The following ZNF423 variants were observed in gnomAD, a reference collection of about 807,000 sequenced individuals.
The protein encoded by ZNF423 is Ebf-associated zinc finger protein.
Under a neutral mutation model 95.8 loss-of-function variants are expected in ZNF423, and 12 were observed. That is an observed-to-expected ratio of 0.13 (90% confidence interval 0.08 to 0.20). ZNF423 has a LOEUF of 0.20. Among genes scored for constraint, ZNF423 ranks in the 10% least tolerant of loss-of-function variants. ZNF423 has a pLI of 1.00. For synonymous variants in ZNF423, 749 were observed against 711.9 expected (o/e 1.05, Z -0.83); for missense variants, 1,316 against 1,737.1 (o/e 0.76, Z 4.31).
intron 3 of ZNF423, among the ~76,000 whole-genome samples, chr16:49,700,194 T>C (rs2032122560): frequency 8.5e-5 from 2 of 23,396 alleles, no homozygotes; most frequent in South Asian, 1.9e-3. Flanking sequence ...GCCCAGGATT[T>C]CAAAAAAAAA....
chr16:49,634,361 A>G (rs541655030), intron 4 of ZNF423, among the ~76,000 whole-genome samples: 1 of 152,196 alleles, frequency 6.6e-6, no homozygotes, highest in East Asian at 1.9e-4. Context: ...CGCTATTTTC[A>G]TTCAAGTTGT....
intron 2 of ZNF423, among the ~76,000 whole-genome samples, chr16:49,785,440 T>C (rs1461386438): frequency 6.6e-6 from 1 of 152,274 alleles, no homozygotes; most frequent in Admixed American, 6.5e-5. Context: ...TGGTCACACA[T>C]ATCTCTAAAT....
At chr16:49,605,398 C>A (rs904371122) in intron 5 of ZNF423, among the ~76,000 whole-genome samples, 1 of 152,226 alleles carries the variant, frequency 6.6e-6, no homozygotes, top group South Asian at 2.1e-4. Context: ...CCTCTCAAAG[C>A]CTCAGCTTCC....
At chr16:49,668,379 G>C (rs964790479) in intron 3 of ZNF423, among the ~76,000 whole-genome samples, 2 of 152,152 alleles carry the variant, frequency 1.3e-5, no homozygotes, top group African/African-American at 4.8e-5. Flanking sequence ...TCCCAGGATG[G>C]GACTCCTACC....
At position 49,730,809 on chromosome 16, in the gene ZNF423, G is replaced by A. The variant is rs766705878; in HGVS notation, c.263C>T (p.Ala88Val). ...DHCQQDFESL[A>V]DLTDHRAHRC... is the part of the protein sequence containing the mutation. ...GTGGGCCCGGTGGTCCGTCAGGTCTGCCAGAGACTCGAAGTCCTGCTGACA... is the reference window on the plus strand; with the variant it reads ...GTGGGCCCGGTGGTCCGTCAGGTCTACCAGAGACTCGAAGTCCTGCTGACA... The change falls in exon 3 of 8, where the codon GCA (alanine) becomes GTA (valine). Residue 88 changes from alanine to valine, a missense_variant. By Grantham distance (64) the Ala-to-Val change is moderately conservative. This residue lies in a region of ZNF423 where 155 missense variants were observed against 170.8 expected (regional missense o/e 0.91). Coordinates refer to ENST00000563137, the MANE Select transcript of ZNF423 (RefSeq NM_001379286.1). 1.2e-6 allele frequency: 2 copies of A among 1,614,064 alleles called. No homozygotes were observed. The highest frequency in any genetic ancestry group is 2.7e-5 in the African/African-American group (2 of 74,920).
intron 1 of ZNF423, chr16:49,854,075 G>T (rs959895050): frequency 3.0e-5 from 30 of 985,212 alleles, no homozygotes; most frequent in African/African-American, 3.5e-5. Context: ...CAGCAAAAGA[G>T]AAACATCCAC....
intron 1 of ZNF423, among the ~76,000 whole-genome samples, chr16:49,846,703 T>C (rs750489118): frequency 1.4e-4 from 22 of 152,238 alleles, no homozygotes; most frequent in Admixed American, 1.0e-3. Context: ...CACCTGCTTC[T>C]CCTCCCTCTC....
At chr16:49,746,549 C>T (rs1415210888) in intron 2 of ZNF423, among the ~76,000 whole-genome samples, 1 of 152,146 alleles carries the variant, frequency 6.6e-6, no homozygotes, top group African/African-American at 2.4e-5. Context: ...ACAATCTCGG[C>T]TCACTGCAAC....
intron 3 of ZNF423, among the ~76,000 whole-genome samples, chr16:49,681,600 A>G (rs1156594662): frequency 1.3e-5 from 2 of 152,152 alleles, no homozygotes; most frequent in African/African-American, 2.4e-5. Flanking sequence ...TTTCACCACG[A>G]TATCAGGGAC....
Position 49,636,955 on chromosome 16 carries a change from C to A in ZNF423, c.2221G>T (p.Val741Leu). The change falls in exon 4 of 8, where the codon GTG becomes TTG. Residue 741 changes from valine to leucine, a missense_variant. Around this residue, in one of 6 missense-constraint regions of ZNF423, gnomAD observed 620 missense variants for 775.6 expected, o/e 0.80. Coordinates refer to ENST00000563137, the MANE Select transcript of ZNF423 (RefSeq NM_001379286.1). The surrounding 1 kb of genome is among the most constrained non-coding windows in gnomAD (Gnocchi z 8.6). ...ACCGCCAGGTGCACCTGGATGGACA[C>A]CTTGGAGTCGAAGACCTCCTGACAC... ...TLCQEVFDSKVSIQVHLAVKH... is the reference protein window; with the variant it reads ...TLCQEVFDSKLSIQVHLAVKH... 6.2e-7 allele frequency: 1 copy of A among 1,613,750 alleles called. No homozygotes were observed. The highest frequency in any genetic ancestry group is 8.5e-7 in the Non-Finnish European group (1 of 1,179,938).
rs2035353413 is a variant in ZNF423 at position 49,855,507 on chromosome 16, C to CG, written c.40+227_40+228insC. On this transcript the variant is annotated intron_variant, in intron 1 of 7. Coordinates refer to ENST00000563137, the MANE Select transcript of ZNF423 (RefSeq NM_001379286.1). This position sits in a 1 kb window ranked among gnomAD's most constrained non-coding sequence, Gnocchi z 4.7. ...GGCAGGGAGGGTGTCCGCGGCGTAC[C>CG]CCCTCCGCCGCCGCCGCCGCCGCCG... 8.3e-6 allele frequency among the ~76,000 whole-genome samples: 1 copy of CG among 120,802 alleles called. No individual in the cohort carries two copies. Among genetic ancestry groups the CG allele is most frequent in the African/African-American group, 3.4e-5 (1 of 29,736 alleles). 79.3% of individuals were successfully genotyped at this position (120,802 alleles called of 152,430 possible). A position where few individuals can be genotyped will look rare whatever the true frequency, so the allele number is the denominator to read the frequency against.
intron 3 of ZNF423, among the ~76,000 whole-genome samples, chr16:49,724,404 A>G (rs888840452): frequency 4.8e-5 from 7 of 144,596 alleles, no homozygotes; most frequent in African/African-American, 1.9e-4. Flanking sequence ...AACTGACACC[A>G]AGGCCCCGAG....
chr16:49,773,211 C>T (rs112109660), intron 2 of ZNF423, among the ~76,000 whole-genome samples: 4,322 of 152,102 alleles, frequency 0.028, 198 homozygotes, highest in African/African-American at 0.099. Flanking sequence ...CCCAGCTACT[C>T]GGGAGTCTGA....
At chr16:49,741,174 C>G (rs1208389353) in intron 2 of ZNF423, among the ~76,000 whole-genome samples, 1 of 149,870 alleles carries the variant, frequency 6.7e-6, no homozygotes, top group Non-Finnish European at 1.5e-5. Context: ...TCTAGATGGT[C>G]AGCACTGCAA....
At chr16:49,656,544 T>C (rs1236426143) in intron 3 of ZNF423, among the ~76,000 whole-genome samples, 3 of 151,356 alleles carry the variant, frequency 2.0e-5, no homozygotes, top group African/African-American at 4.9e-5. Flanking sequence ...AGTGGGTAAA[T>C]GGATGACCAA....
At chr16:49,791,624 C>T (rs1704075377) in intron 1 of ZNF423, among the ~76,000 whole-genome samples, 1 of 152,074 alleles carries the variant, frequency 6.6e-6, no homozygotes. Context: ...GGTATATGAG[C>T]TGATAAAGAG....
At chr16:49,740,391 G>A (rs1285053208) in intron 2 of ZNF423, among the ~76,000 whole-genome samples, 2 of 152,120 alleles carry the variant, frequency 1.3e-5, no homozygotes, top group Non-Finnish European at 2.9e-5. Flanking sequence ...CCAGGGCTGG[G>A]CAAAGAGCCC....
chr16:49,848,187 G>C (rs976897150), intron 1 of ZNF423, among the ~76,000 whole-genome samples: 2 of 152,108 alleles, frequency 1.3e-5, no homozygotes, highest in Non-Finnish European at 2.9e-5. Flanking sequence ...CAGGAGTTGG[G>C]GGATGAAGAG....
In ZNF423 at chr16:49,488,355, T is replaced by C. The variant is rs1966874669; in HGVS notation, c.*2920A>G. 6.9e-6 allele frequency: 1 copy of C among 145,020 alleles called. No homozygotes were observed. Among genetic ancestry groups the C allele is most frequent in the African/African-American group, 2.4e-5 (1 of 41,304 alleles). 9.0% of individuals were successfully genotyped at this position (145,020 alleles called of 1,614,324 possible). ...CTGGGCACTCTGGGCAGGTGTTCCA[T>C]GACAGGGGCCTGTGGCCCAAGGGTC... On this transcript the variant is annotated 3_prime_UTR_variant, in exon 8 of 8. Coordinates refer to ENST00000563137, the MANE Select transcript of ZNF423 (RefSeq NM_001379286.1).
Sources: gnomAD v4.1 joint callset for allele counts (sites outside exome capture counted in the v4.1 genomes callset) on GRCh38, gnomAD v4.1.1 for gene constraint, gnomAD v4.1.1 regional missense constraint, Gnocchi (gnomAD v3.1) non-coding constraint, MANE v1.5 for transcripts, NCBI Gene and HGNC (gene_info 2026-07-23, HGNC 2026-07-21) for gene names.